FHIP1B: variants seen among roughly 807,000 people sequenced by gnomAD.
FHIP1B encodes FHF complex subunit HOOK-interacting protein 1B.
FHIP1B carries 28 observed loss-of-function variants against 82.2 expected under a neutral mutation model. The observed-to-expected ratio is 0.34, with a 90% CI of 0.25 to 0.47. The LOEUF is 0.47. Among genes scored for constraint, FHIP1B ranks in the 20% least tolerant of loss-of-function variants. FHIP1B has a pLI of 1.00. For missense variants in FHIP1B, 1,110 were observed against 1,262.6 expected, an observed-to-expected ratio of 0.88 and a Z score of 1.83; for synonymous variants, 585 against 516.1, an observed-to-expected ratio of 1.13 and a Z score of -1.81.
At chr11:6,217,131 T>A (rs1847250897) in intron 9 of FHIP1B, 1 of 703,352 alleles carries the variant, frequency 1.4e-6, no homozygotes, top group Admixed American at 2.0e-5. Context: ...ACATAGGACA[T>A]ACATACAAGG....
In FHIP1B at chr11:6,218,148, G is replaced by A. The variant is rs1265453378; in HGVS notation, c.1438C>T (p.Pro480Ser). Reference protein sequence around the residue: ...RPEHASWARGPGSPSVDSSSV... With the variant: ...RPEHASWARGSGSPSVDSSSV... The stretch of plus-strand genomic sequence containing the variant: ...GAGGAGTCCACACTTGGGCTTCCAG[G>A]ACCTGCAAAGGGAAAAAATATAAGA... The change falls in exon 9 of 12, where the codon CCT becomes TCT. Residue 480 changes from proline to serine, a missense_variant and splice_region_variant. Pro to Ser is a moderately conservative substitution (Grantham distance 74). Coordinates refer to ENST00000449352, the MANE Select transcript of FHIP1B (RefSeq NM_001098794.2). The A allele has an allele frequency of 6.2e-7, 1 of 1,609,856 alleles. No homozygotes were observed. Among genetic ancestry groups the A allele is most frequent in the Non-Finnish European group, 8.5e-7 (1 of 1,177,952 alleles).
chr11:6,220,623 G>A (rs980826008), intron 6 of FHIP1B, among the ~76,000 whole-genome samples: 3 of 152,112 alleles, frequency 2.0e-5, no homozygotes, highest in Admixed American at 2.0e-4. Flanking sequence ...TGTTTAACAC[G>A]GGCATCCTGA....
rs376528803 is a variant in FHIP1B, at chr11:6,221,200, A to G, written c.1191+1242T>C. ...CTTATACACCCTAACTTAGCTTCAG[A>G]AACTGCACCTATACAAAACACAGCT... On this transcript the variant is annotated intron_variant, in intron 6 of 11. Coordinates refer to ENST00000449352, the MANE Select transcript of FHIP1B (RefSeq NM_001098794.2). Among the ~76,000 whole-genome samples, 44 of 152,290 alleles carry G rather than the reference A, an allele frequency of 2.9e-4. No homozygotes were observed. The East Asian group carries it at 6.6e-3, about 23-fold the overall frequency.
chr11:6,222,920 G>C (rs190212630), intron 4 of FHIP1B, 23 bp from the exon 5 acceptor site: 27 of 1,611,922 alleles, frequency 1.7e-5, no homozygotes, highest in East Asian at 4.5e-5. Flanking sequence ...CAGAGAGAAG[G>C]GGGAGGGTTA....
intron 1 of FHIP1B, 28 bp from the exon 2 acceptor site, chr11:6,224,735 G>C (rs1344547371): frequency 1.8e-6 from 1 of 547,986 alleles, no homozygotes. Context: ...TAATGGAAGG[G>C]ATAAATAGAA....
chr11:6,211,885 T>A lies in FHIP1B; in HGVS notation c.2558-18A>T. ...GCTCTTCACTGGGAATAAACAGGGG[T>A]ATCATGAAGGTGCTGGGATCAGGGA... On this transcript the variant is annotated intron_variant, in intron 11 of 11. Transcript: ENST00000449352. 3.3e-6 allele frequency: 5 copies of A among 1,533,402 alleles called. No homozygotes were observed. The South Asian group carries it at 5.1e-5, about 16-fold the overall frequency. The allele number at this position is 1,533,402 out of a possible 1,614,324, so 95.0% of individuals were successfully genotyped here.
rs994831489 is a variant in FHIP1B, at chr11:6,218,602, C to T, written c.1433G>A (p.Arg478Gln). The change falls in exon 8 of 12, where the codon CGA (arginine) becomes CAA (glutamine). Residue 478 changes from arginine to glutamine, a missense_variant and splice_region_variant. Transcript: ENST00000449352. Reference protein sequence around the residue: ...PPRPEHASWARGPGSPSVDSS... With the variant: ...PPRPEHASWAQGPGSPSVDSS... ...CCCTGTCTCTCTGCTAGGCCCACCT[C>T]GTGCCCATGAGGCATGCTCTGGACG... 1.2e-5 allele frequency: 20 copies of T among 1,614,010 alleles called. No homozygotes were observed. The highest frequency in any genetic ancestry group is 2.2e-5 in the South Asian group (2 of 91,080).
In FHIP1B at chr11:6,218,035, T is replaced by C. The variant is rs200796083; in HGVS notation, c.1551A>G (p.Pro517=). ...GCCCTGGTGAGCAAGGGGCTGGGCC[T>C]GGAGACTCAGAGCCACCCAGGCTCT... ...RQQSLGGSES[P]GPAPCSPGLS... The change falls in exon 9 of 12, where the codon CCA becomes CCG. Residue 517 remains proline (P), a synonymous_variant. Transcript: ENST00000449352. The C allele has an allele frequency of 3.0e-4, 484 of 1,613,398 alleles. 3 individuals are homozygous for C. In the East Asian group the frequency reaches 4.9e-3, roughly 16 times the overall value.
intron 6 of FHIP1B, 104 bp from the exon 7 acceptor site, chr11:6,219,154 C>CACTCCTAGAGGA (rs1413820551): frequency 1.2e-6 from 1 of 806,424 alleles, no homozygotes; most frequent in African/African-American, 1.7e-5. Flanking sequence ...CCCAACCAAC[C>CACTCCTAGAGGA]ACTCCTAGAG....
intron 11 of FHIP1B, 28 bp downstream of exon 11, chr11:6,214,383 G>A (rs765897198): frequency 1.9e-6 from 3 of 1,576,342 alleles, no homozygotes; most frequent in Non-Finnish European, 2.6e-6. Context: ...AGGGAGGGCA[G>A]GTACGGGTGT....
Position 6,218,106 on chromosome 11 carries a change from G to A in FHIP1B, c.1480C>T (p.Pro494Ser). 2 of 1,613,466 alleles carry A rather than the reference G, an allele frequency of 1.2e-6. No individual in the cohort carries two copies. Among genetic ancestry groups the A allele is most frequent in the Non-Finnish European group, 1.7e-6 (2 of 1,179,668 alleles). Residue 494 changes from proline to serine, a missense_variant, in exon 9 of 12, where the codon CCC (proline) becomes TCC (serine). By Grantham distance (74) the Pro-to-Ser change is moderately conservative. Coordinates refer to ENST00000449352, the MANE Select transcript of FHIP1B (RefSeq NM_001098794.2). ...AGACGAGATGGTGTGGAGGGCCGGG[G>A]TACTGTCGTCACAGAAGAGGAGTCC... Reference protein sequence around the residue: ...SVDSSSVTTVPRPSTPSRLAL... With the variant: ...SVDSSSVTTVSRPSTPSRLAL...
intron 9 of FHIP1B, among the ~76,000 whole-genome samples, chr11:6,216,163 G>A (rs1590608875): frequency 6.6e-6 from 1 of 152,228 alleles, no homozygotes; most frequent in South Asian, 2.1e-4. Context: ...ACAGAGCAGA[G>A]GCTAAATAAA....
At chr11:6,233,990 A>T (rs530327980) in intron 1 of FHIP1B, among the ~76,000 whole-genome samples, 2 of 152,288 alleles carry the variant, frequency 1.3e-5, no homozygotes, top group South Asian at 4.1e-4. Context: ...CAGAATATGG[A>T]AAGTCCATGG....
At chr11:6,230,654 A>C (rs1184928718) in intron 1 of FHIP1B, among the ~76,000 whole-genome samples, 1 of 152,196 alleles carries the variant, frequency 6.6e-6, no homozygotes, top group Non-Finnish European at 1.5e-5. Context: ...AATTCACAAA[A>C]GTGAACCTCT....
At position 6,222,508 on chromosome 11, in the gene FHIP1B, C is replaced by A; in HGVS notation, c.1125G>T (p.Leu375Phe). The A allele has an allele frequency of 1.2e-6, 2 of 1,614,026 alleles. No individual in the cohort carries two copies. Among genetic ancestry groups the A allele is most frequent in the Non-Finnish European group, 1.7e-6 (2 of 1,180,030 alleles). ...ALLRTFLRFL[L>F]LHRHDTHTIL... ...TGGTGTGGGTGTCATGCCGGTGCAA[C>A]AACAGGAATCGCAGGAAGGTACGGA... Residue 375 changes from leucine to phenylalanine, a missense_variant, in exon 6 of 12, where the codon TTG (leucine) becomes TTT (phenylalanine). By Grantham distance (22) the Leu-to-Phe change is conservative (BLOSUM62 0). Coordinates refer to ENST00000449352, the MANE Select transcript of FHIP1B (RefSeq NM_001098794.2).
chr11:6,224,100 AG>A lies in FHIP1B; in HGVS notation c.286del (p.Leu96CysfsTer11). On this transcript the variant is annotated frameshift_variant, in exon 3 of 12. Coordinates refer to ENST00000449352, the MANE Select transcript of FHIP1B (RefSeq NM_001098794.2). LOFTEE classifies it high-confidence loss of function. Reference protein sequence around the residue: ...VPSAPTGPGPLLEFALHEDLL... With the variant: ...VPSAPTGPGPXLEFALHEDLL... Reference sequence around the variant, plus strand: ...ATCCTCGTGCAGAGCAAACTCCAGCAGGGGCCCAGGGCCTGTGGGGGCCGAG... The same window carrying A: ...ATCCTCGTGCAGAGCAAACTCCAGCAGGGCCCAGGGCCTGTGGGGGCCGAG... The A allele has an allele frequency of 6.2e-7, 1 of 1,614,012 alleles. No individual in the cohort carries two copies. Among genetic ancestry groups the A allele is most frequent in the Non-Finnish European group, 8.5e-7 (1 of 1,179,960 alleles).
At position 6,226,234 on chromosome 11, in the gene FHIP1B, G is replaced by A. The variant is rs1292734305; in HGVS notation, c.-191-1527C>T. Among the ~76,000 whole-genome samples, 6 of 152,160 alleles carry A rather than the reference G, an allele frequency of 3.9e-5. No individual in the cohort carries two copies. The East Asian group carries it at 9.6e-4, about 24-fold the overall frequency. On this transcript the variant is annotated intron_variant, in intron 1 of 11. Transcript: ENST00000449352. ...ACAACTAAAGGAAGGTAGCCACTATGTTTAAGCAAAATTTCTATAGAACAG... is the reference window on the plus strand; with the variant it reads ...ACAACTAAAGGAAGGTAGCCACTATATTTAAGCAAAATTTCTATAGAACAG...
At position 6,224,448 on chromosome 11, in the gene FHIP1B, G is replaced by C; in HGVS notation, c.69C>G (p.Ala23=). 6.2e-7 allele frequency: 1 copy of C among 1,614,082 alleles called. No individual in the cohort carries two copies. Among genetic ancestry groups the C allele is most frequent in the Non-Finnish European group, 8.5e-7 (1 of 1,179,992 alleles). ...RGPGHRIPQG[A]NLQTPVMADP... is the part of the protein sequence containing the mutation. Reference sequence around the variant, plus strand: ...CAGCCATGACTGGGGTTTGGAGATTGGCCCCTTGAGGTATACGGTGCCCAG... The same window carrying C: ...CAGCCATGACTGGGGTTTGGAGATTCGCCCCTTGAGGTATACGGTGCCCAG... The change falls in exon 2 of 12, where the codon GCC becomes GCG. Residue 23 remains alanine (A), a synonymous_variant. Transcript: ENST00000449352.
Position 6,211,732 on chromosome 11 carries a change from G to A in FHIP1B, c.2693C>T (p.Pro898Leu), listed in dbSNP as rs755451478. Reference protein sequence around the residue: ...GAGLGLSGGSPGASTPVLLTR... With the variant: ...GAGLGLSGGSLGASTPVLLTR... The stretch of plus-strand genomic sequence containing the variant: ...GAGTAGAACTGGAGTTGAAGCCCCA[G>A]GGGAGCCCCCACTTAGGCCAAGTCC... Residue 898 changes from proline to leucine, a missense_variant, in exon 12 of 12, where the codon CCT (proline) becomes CTT (leucine). Transcript: ENST00000449352. The A allele has an allele frequency of 4.3e-6, 7 of 1,614,220 alleles. No individual in the cohort carries two copies. The Admixed American group carries it at 6.7e-5, about 15-fold the overall frequency.
Sources: allele counts gnomAD v4.1 joint callset (sites outside exome capture counted in the v4.1 genomes callset), GRCh38; gene constraint gnomAD v4.1.1; transcripts MANE v1.5; gene names NCBI Gene and HGNC (gene_info 2026-07-23, HGNC 2026-07-21).